POMT2: variants seen among roughly 807,000 people sequenced by gnomAD.
The protein encoded by POMT2 is protein O-mannosyl-transferase 2.
POMT2 carries 75 observed loss-of-function variants against 100.0 expected under a neutral mutation model. The ratio of observed to expected loss-of-function variants is 0.75; its 90% confidence interval spans 0.62 to 0.91. The LOEUF (loss-of-function observed/expected upper bound fraction) is 0.91, where lower values mean the gene tolerates loss of function less well. Ranked by LOEUF, POMT2 falls within the 40% of genes least tolerant of loss-of-function variation. POMT2 has a pLI of 0.00. For synonymous variants in POMT2, 378 were observed against 374.1 expected, an observed-to-expected ratio of 1.01 and a Z score of -0.12; for missense variants, 940 against 955.1, an observed-to-expected ratio of 0.98 and a Z score of 0.21.
chr14:77,285,124 A>C, intron 13 of POMT2, 83 bp from the exon 14 acceptor site: 3 of 1,202,546 alleles, frequency 2.5e-6, no homozygotes, highest in Non-Finnish European at 3.6e-6. Flanking sequence ...TCTTAAATCC[A>C]CAGGCTCCTT....
chr14:77,300,476 A>C (rs1890987107), intron 6 of POMT2: 1 of 159,234 alleles, frequency 6.3e-6, no homozygotes, highest in Non-Finnish European at 1.4e-5. Context: ...ATAAACTGTA[A>C]AGGCCCTTAC....
In POMT2 at chr14:77,320,775, C is replaced by A; in HGVS notation, c.-94G>T. 6.7e-7 allele frequency: 1 copy of A among 1,500,878 alleles called. No homozygotes were observed. The highest frequency in any genetic ancestry group is 8.8e-7 in the Non-Finnish European group (1 of 1,135,392). 93.0% of individuals were successfully genotyped at this position (1,500,878 alleles called of 1,614,324 possible). On this transcript the variant is annotated 5_prime_UTR_variant, in exon 1 of 21. Transcript: ENST00000261534. ...AGTCACAAGAGGGCAGCTCGGGGTA[C>A]CCCGGGAAATGCAACGCCCTTCACT... is the stretch of plus-strand genomic sequence containing the variant.
In POMT2 at chr14:77,301,193, C is replaced by T; in HGVS notation, c.713G>A (p.Gly238Asp). ...GCCAACAAACTTGACCCCTAAAGCA[C>T]CAGCAAGACTAACGCCAGTCAGGCT... Reference protein sequence around the residue: ...WLSLTGVSLAGALGVKFVGLF... With the variant: ...WLSLTGVSLADALGVKFVGLF... Residue 238 changes from glycine to aspartate, a missense_variant, in exon 6 of 21, where the codon GGT becomes GAT. Gly to Asp is a moderately conservative substitution (Grantham distance 94). Transcript: ENST00000261534. 6.2e-7 allele frequency: 1 copy of T among 1,614,238 alleles called. No homozygotes were observed. The highest frequency in any genetic ancestry group is 8.5e-7 in the Non-Finnish European group (1 of 1,180,040).
chr14:77,281,781 C>T (rs1860632034), intron 15 of POMT2, among the ~76,000 whole-genome samples: 1 of 152,208 alleles, frequency 6.6e-6, no homozygotes, highest in Non-Finnish European at 1.5e-5. Flanking sequence ...AGCACTCCTA[C>T]CCTCAACCCC....
At chr14:77,297,147 T>C (rs772627109) in intron 8 of POMT2, among the ~76,000 whole-genome samples, 3 of 152,222 alleles carry the variant, frequency 2.0e-5, no homozygotes, top group Non-Finnish European at 4.4e-5. Context: ...CTTTAAATAA[T>C]GAGCAGGAAT....
intron 18 of POMT2, 93 bp downstream of exon 18, chr14:77,279,730 A>G (rs1890134042): frequency 1.6e-6 from 2 of 1,268,074 alleles, no homozygotes; most frequent in Non-Finnish European, 2.2e-6. Context: ...GTAAACGCAA[A>G]GGATGGCCCA....
chr14:77,300,711 T>C, intron 6 of POMT2: 1 of 279,180 alleles, frequency 3.6e-6, no homozygotes, highest in Non-Finnish European at 7.0e-6. Flanking sequence ...TCCCAGCTAC[T>C]TGGGAGGCTG....
Position 77,320,564 on chromosome 14 carries a change from G to A in POMT2, c.118C>T (p.Arg40Ter), listed in dbSNP as rs755650000. 22 of 1,570,772 alleles carry A rather than the reference G, an allele frequency of 1.4e-5. No individual in the cohort carries two copies. The highest frequency in any genetic ancestry group is 4.0e-5 in the African/African-American group (3 of 74,194). The stretch of plus-strand genomic sequence containing the variant: ...CCCCAAGCAGGCCGTTTGGGGCTTC[G>A]CGCCACAGCCTCAGCGGCCACGTCC... ...GRDVAAEAVA[R>*]SPKRPAWGSR... The change falls in exon 1 of 21, where the codon CGA (arginine) becomes TGA (stop). Residue 40 changes from arginine to a stop codon, truncating the protein, a stop_gained. Coordinates refer to ENST00000261534, the MANE Select transcript of POMT2 (RefSeq NM_013382.7). LOFTEE classifies it high-confidence loss of function.
intron 8 of POMT2, among the ~76,000 whole-genome samples, chr14:77,297,501 GCTCA>G (rs1188364017): frequency 1.3e-5 from 2 of 152,150 alleles, no homozygotes; most frequent in Non-Finnish European, 2.9e-5. Flanking sequence ...TCCCCAAGCA[GCTCA>G]CTATCAACCC....
At chr14:77,308,273 A>C (rs865898496) in intron 2 of POMT2, among the ~76,000 whole-genome samples, 2 of 152,224 alleles carry the variant, frequency 1.3e-5, no homozygotes, top group Non-Finnish European at 2.9e-5. Flanking sequence ...ACATATGAAA[A>C]AATGTTCAAC....
intron 10 of POMT2, 97 bp from the exon 11 acceptor site, chr14:77,288,928 C>G: frequency 2.9e-6 from 3 of 1,043,480 alleles, no homozygotes; most frequent in Non-Finnish European, 4.5e-6. Context: ...CATGTGGTAT[C>G]TGCTAGAGGT....
At position 77,310,918 on chromosome 14, in the gene POMT2, G is replaced by A. The variant is rs1891413099; in HGVS notation, c.333+1031C>T. Among the ~76,000 whole-genome samples, 7 of 152,350 alleles carry A rather than the reference G, an allele frequency of 4.6e-5. 1 individual carries two copies. In the South Asian group the frequency reaches 1.4e-3, roughly 32 times the overall value. ...GGAGGCCAAGGCGGGTGGACCACCTGAGGTTGGGAGTTCAAGACCAGCCTG... is the reference window on the plus strand; with the variant it reads ...GGAGGCCAAGGCGGGTGGACCACCTAAGGTTGGGAGTTCAAGACCAGCCTG... On this transcript the variant is annotated intron_variant, in intron 2 of 20. Transcript: ENST00000261534.
chr14:77,305,622 C>CAT (rs1891198279), intron 3 of POMT2, among the ~76,000 whole-genome samples: 1 of 152,218 alleles, frequency 6.6e-6, no homozygotes, highest in Non-Finnish European at 1.5e-5. Context: ...TATTTAAATG[C>CAT]TGTGAAATCC....
At chr14:77,301,281 C>A in intron 5 of POMT2, 32 bp from the exon 6 acceptor site, 1 of 1,613,472 alleles carries the variant, frequency 6.2e-7, no homozygotes, top group Non-Finnish European at 8.5e-7. Flanking sequence ...TTCAATTTGG[C>A]AGCTGGAACC....
chr14:77,291,187 TAAGTAAAGGTGTCA>T, intron 10 of POMT2, 113 bp downstream of exon 10: 1 of 828,896 alleles, frequency 1.2e-6, no homozygotes, highest in South Asian at 1.5e-5. Context: ...ATAATTGAGA[TAAGTAAAGGTGTCA>T]AAGATGCTCA....
chr14:77,285,581 T>A lies in POMT2; in HGVS notation c.1384A>T (p.Lys462Ter). 6.2e-7 allele frequency: 1 copy of A among 1,613,894 alleles called. No homozygotes were observed. Among genetic ancestry groups the A allele is most frequent in the Non-Finnish European group, 8.5e-7 (1 of 1,179,796 alleles). Residue 462 changes from lysine (K) to a stop codon, truncating the protein, a stop_gained, in exon 13 of 21, where the codon AAA (lysine) becomes TAA (stop). Transcript: ENST00000261534. LOFTEE classifies it high-confidence loss of function. ...AGCACTTTGATCCGGTTTCCAAATT[T>A]CCTGTTTACGACCTCAATCCGCCAG... ...DFWRIEVVNRKFGNRIKVLRS... is the reference protein window; with the variant it reads ...DFWRIEVVNR
At chr14:77,285,396 A>T in intron 13 of POMT2, 85 bp downstream of exon 13, 3 of 1,565,562 alleles carry the variant, frequency 1.9e-6, no homozygotes, top group Admixed American at 1.7e-5. Flanking sequence ...TGAACACAGG[A>T]AAACAAAAGC....
chr14:77,306,493 C>A, intron 2 of POMT2, 52 bp from the exon 3 acceptor site: 2 of 1,595,034 alleles, frequency 1.3e-6, no homozygotes, highest in South Asian at 2.2e-5. Flanking sequence ...GAGAAGATTC[C>A]TCTGTCCTCT....
chr14:77,277,934 C>T (rs1475547551), intron 20 of POMT2, among the ~76,000 whole-genome samples: 1 of 142,168 alleles, frequency 7.0e-6, no homozygotes, highest in East Asian at 2.5e-4. Flanking sequence ...GAGAGCTCTT[C>T]CGGCAGGGGG....
Sources: gnomAD v4.1 joint callset for allele counts (sites outside exome capture counted in the v4.1 genomes callset) on GRCh38, gnomAD v4.1.1 for gene constraint, MANE v1.5 for transcripts, NCBI Gene and HGNC (gene_info 2026-07-23, HGNC 2026-07-21) for gene names.